The following KRT9 variants were observed in gnomAD, a reference collection of about 807,000 sequenced individuals.
The protein encoded by KRT9 is keratin 9.
In KRT9, 34 loss-of-function variants were observed where a neutral mutation model predicts 51.4. The ratio of observed to expected loss-of-function variants is 0.66; its 90% confidence interval spans 0.50 to 0.88. The LOEUF is 0.88. Among genes scored for constraint, KRT9 ranks in the 40% least tolerant of loss-of-function variants. The pLI, the probability that KRT9 is intolerant of heterozygous loss-of-function variation, is 0.00. For synonymous variants in KRT9, 292 were observed against 289.7 expected (o/e 1.01, Z -0.08); for missense variants, 753 against 790.3 (o/e 0.95, Z 0.57).
At chr17:41,571,281 T>C (rs1907067522) in intron 1 of KRT9, 70 bp downstream of exon 1, 1 of 1,379,808 alleles carries the variant, frequency 7.2e-7, no homozygotes, top group East Asian at 2.3e-5. Flanking sequence ...GAGTTTAGCA[T>C]TTTAACTTTT....
At chr17:41,569,059 C>A (rs184361753) in intron 4 of KRT9, among the ~76,000 whole-genome samples, 1 of 152,302 alleles carries the variant, frequency 6.6e-6, no homozygotes, top group Admixed American at 6.5e-5. Flanking sequence ...GGGAGACACA[C>A]TGTATCCCTC....
intron 4 of KRT9, 150 bp from the exon 5 acceptor site, chr17:41,568,783 C>G: frequency 9.8e-7 from 1 of 1,025,072 alleles, no homozygotes; most frequent in Non-Finnish European, 1.5e-6. Flanking sequence ...ACCCTCCAGC[C>G]ATGGAGGGTT....
intron 5 of KRT9, 52 bp from the exon 6 acceptor site, chr17:41,568,437 C>A: frequency 6.2e-7 from 1 of 1,613,902 alleles, no homozygotes. Flanking sequence ...AACTCCTCTT[C>A]TTCCCACTCC....
Position 41,570,230 on chromosome 17 carries a change from A to G in KRT9, c.643-10T>C, listed in dbSNP as rs1160143233. 2 of 1,612,866 alleles carry G rather than the reference A, an allele frequency of 1.2e-6. No homozygotes were observed. The highest frequency in any genetic ancestry group is 2.2e-5 in the East Asian group (1 of 44,870). On this transcript the variant is annotated splice_polypyrimidine_tract_variant and intron_variant, in intron 1 of 7. Coordinates refer to ENST00000246662, the MANE Select transcript of KRT9 (RefSeq NM_000226.4). ...CTGTCAGGTCCACAATCTGAAAAAA[A>G]AAGGACACAGCCATGATATCATGCT...
intron 4 of KRT9, 100 bp downstream of exon 4, chr17:41,569,326 G>A: frequency 2.6e-6 from 3 of 1,154,600 alleles, no homozygotes; most frequent in South Asian, 1.3e-5. Flanking sequence ...GCTGCACTGA[G>A]AGATGCAGAG....
At chr17:41,568,015 TC>T in intron 6 of KRT9, 146 bp downstream of exon 6, 21 of 936,318 alleles carry the variant, frequency 2.2e-5, no homozygotes, top group Admixed American at 2.5e-5. Context: ...TGCACTGAGG[TC>T]CCCCCGGCCC....
In KRT9 at chr17:41,567,576, T is replaced by C. The variant is rs12938962; in HGVS notation, c.1569A>G (p.Gly523=). The change falls in exon 7 of 8, where the codon GGA becomes GGG. Residue 523 remains glycine (G), a synonymous_variant. Transcript: ENST00000246662. The part of the protein sequence containing the change: ...RGGSGGSYGG[G]SGSGGGSGGG... ...CTCCACTACCTCCTCCAGAACCACTTCCTCCACCGTAGCTGCCTCCACTTC... is the reference window on the plus strand; with the variant it reads ...CTCCACTACCTCCTCCAGAACCACTCCCTCCACCGTAGCTGCCTCCACTTC... 5.8e-6 allele frequency: 9 copies of C among 1,552,894 alleles called. No homozygotes were observed. In the South Asian group the frequency reaches 9.5e-5, roughly 16 times the overall value.
In KRT9 at chr17:41,568,646, A is replaced by G; in HGVS notation, c.1045-13T>C. ...CGATCTGGGTTATCTGCAAAACCAA[A>G]GGCTCAGTAAGCATCAGGCTGTGCC... On this transcript the variant is annotated splice_polypyrimidine_tract_variant and intron_variant, in intron 4 of 7. Transcript: ENST00000246662. 6.2e-7 allele frequency: 1 copy of G among 1,614,056 alleles called. No individual in the cohort carries two copies. Among genetic ancestry groups the G allele is most frequent in the East Asian group, 2.2e-5 (1 of 44,876 alleles).
chr17:41,571,937 C>G lies in KRT9; in HGVS notation c.56G>C (p.Gly19Ala). 2 of 1,576,732 alleles carry G rather than the reference C, an allele frequency of 1.3e-6. No homozygotes were observed. ...GCTGCCCCCGCTGCCCAGGCCGCCC[C>G]CGCCACCCCCGCCGCTGCGGCTCAA... ...SYLSRSGGGG[G>A]GGLGSGGSIR... is the part of the protein sequence containing the mutation. The change falls in exon 1 of 8, where the codon GGG becomes GCG. Residue 19 changes from glycine to alanine, a missense_variant. Gly to Ala is a moderately conservative substitution (Grantham distance 60). This residue lies in a region of KRT9 where 241 missense variants were observed against 210.3 expected (regional missense o/e 1.15). Transcript: ENST00000246662.
chr17:41,567,689 C>T lies in KRT9; in HGVS notation c.1456G>A (p.Gly486Arg), dbSNP rs1906923344. The part of the protein sequence containing the change: ...GGRGGSGGSY[G>R]RGSRGGSGGS... ...CCACTTCCTCCCCTGGATCCTCTTC[C>T]ATAACTGCCTCCACTTCCTCCTCGA... is the stretch of plus-strand genomic sequence containing the variant. The change falls in exon 7 of 8, where the codon GGA (glycine) becomes AGA (arginine). Residue 486 changes from glycine to arginine, a missense_variant. Physicochemically the swap from Gly to Arg is moderately radical, Grantham distance 125. Transcript: ENST00000246662. 3 of 1,613,912 alleles carry T rather than the reference C, an allele frequency of 1.9e-6. No individual in the cohort carries two copies. The highest frequency in any genetic ancestry group is 2.5e-6 in the Non-Finnish European group (3 of 1,179,864).
In KRT9 at chr17:41,567,869, C is replaced by T. The variant is rs1906932673; in HGVS notation, c.1395-119G>A. 3.9e-6 allele frequency: 6 copies of T among 1,553,624 alleles called. No individual in the cohort carries two copies. In the African/African-American group the frequency reaches 4.1e-5, roughly 11 times the overall value. ...TCTTTCTGTTTTCCTTCCTGGGAGG[C>T]AGAGGACAGAGTCTGGGCGGGCACC... On this transcript the variant is annotated intron_variant, in intron 6 of 7. Coordinates refer to ENST00000246662, the MANE Select transcript of KRT9 (RefSeq NM_000226.4).
chr17:41,568,230 G>A lies in KRT9; in HGVS notation c.1326C>T (p.Ser442=). Residue 442 remains serine, a synonymous_variant, in exon 6 of 8, where the codon AGC becomes AGT. Transcript: ENST00000246662. The stretch of plus-strand genomic sequence containing the variant: ...TTTCCTTCTCCAGCCGCATCTTAAT[G>A]CTGAGCAGAAGGCTGTATTCCTGAT... ...CQNQEYSLLL[S]IKMRLEKEIE... The A allele has an allele frequency of 6.2e-7, 1 of 1,614,152 alleles. No homozygotes were observed. Among genetic ancestry groups the A allele is most frequent in the Non-Finnish European group, 8.5e-7 (1 of 1,180,024 alleles).
intron 4 of KRT9, among the ~76,000 whole-genome samples, chr17:41,568,990 C>A (rs985780070): frequency 7.2e-5 from 11 of 151,982 alleles, no homozygotes; most frequent in African/African-American, 2.4e-4. Flanking sequence ...GTGCCAGACT[C>A]TGGCTGGGCA....
rs770045023 is a variant in KRT9 at position 41,569,470 on chromosome 17, T to C, written c.1000A>G (p.Ile334Val). The change falls in exon 4 of 8, where the codon ATT becomes GTT. Residue 334 changes from isoleucine (I) to valine (V), a missense_variant. Transcript: ENST00000246662. Reference protein sequence around the residue: ...NDMRQEYEQLIAKNRKDIENQ... With the variant: ...NDMRQEYEQLVAKNRKDIENQ... Reference sequence around the variant, plus strand: ...TCGATGTCCTTTCTGTTCTTAGCAATGAGCTGCTCATACTCCTGACGCATG... The same window carrying C: ...TCGATGTCCTTTCTGTTCTTAGCAACGAGCTGCTCATACTCCTGACGCATG... 6.2e-7 allele frequency: 1 copy of C among 1,614,150 alleles called. No individual in the cohort carries two copies. The highest frequency in any genetic ancestry group is 2.2e-5 in the East Asian group (1 of 44,884).
rs756281341 is a variant in KRT9, at chr17:41,567,759, G to A, written c.1395-9C>T. On this transcript the variant is annotated splice_polypyrimidine_tract_variant and intron_variant, in intron 6 of 7. Transcript: ENST00000246662. ...CAGCTCCGGAGGATTCACTAAGAAA[G>A]AAAGAAAACAAGAGAGTTAAAATGA... 50 of 1,614,142 alleles carry A rather than the reference G, an allele frequency of 3.1e-5. No individual in the cohort carries two copies. In the Middle Eastern group the frequency reaches 6.6e-4, roughly 21 times the overall value.
Position 41,571,658 on chromosome 17 carries a change from C to G in KRT9, c.335G>C (p.Gly112Ala). 6.2e-7 allele frequency: 1 copy of G among 1,604,440 alleles called. No homozygotes were observed. The highest frequency in any genetic ancestry group is 8.5e-7 in the Non-Finnish European group (1 of 1,175,320). ...GGGYSSSGGF[G>A]GGFGGGSGGG... Reference sequence around the variant, plus strand: ...TCCAGAACCACCACCAAAGCCACCTCCAAAACCCCCAGAACTACTATAGCC... The same window carrying G: ...TCCAGAACCACCACCAAAGCCACCTGCAAAACCCCCAGAACTACTATAGCC... Residue 112 changes from glycine to alanine, a missense_variant, in exon 1 of 8, where the codon GGA (glycine) becomes GCA (alanine). Around this residue, in one of 3 missense-constraint regions of KRT9, gnomAD observed 241 missense variants for 210.3 expected, o/e 1.15. Transcript: ENST00000246662.
At chr17:41,569,755 G>T in intron 3 of KRT9, 104 bp downstream of exon 3, 2 of 1,519,664 alleles carry the variant, frequency 1.3e-6, no homozygotes, top group Non-Finnish European at 9.1e-7. Flanking sequence ...GTCCTCAAGA[G>T]CAAAGGAGAG....
chr17:41,567,887 C>A, intron 6 of KRT9, 137 bp from the exon 7 acceptor site: 1 of 1,510,402 alleles, frequency 6.6e-7, no homozygotes, highest in Non-Finnish European at 8.9e-7. Context: ...AGAGTCTGGG[C>A]GGGCACCACA....
intron 1 of KRT9, among the ~76,000 whole-genome samples, chr17:41,570,511 C>A (rs949823755): frequency 6.6e-6 from 1 of 152,174 alleles, no homozygotes; most frequent in African/African-American, 2.4e-5. Flanking sequence ...CCATTGACTA[C>A]AAAGTCAAAA....
Sources: allele counts gnomAD v4.1 joint callset (sites outside exome capture counted in the v4.1 genomes callset), GRCh38; gene constraint gnomAD v4.1.1; regional missense constraint gnomAD v4.1.1; transcripts MANE v1.5; gene names NCBI Gene and HGNC (gene_info 2026-07-23, HGNC 2026-07-21).